PNKD: variants seen among roughly 807,000 people sequenced by gnomAD.
PNKD encodes the protein probable thioesterase PNKD.
PNKD carries 36 observed loss-of-function variants against 45.3 expected under a neutral mutation model. The observed-to-expected ratio is 0.80, with a 90% confidence interval of 0.61 to 1.05. PNKD has a LOEUF of 1.05. Ranked by LOEUF, PNKD falls within the 50% of genes least tolerant of loss-of-function variation. The pLI is 0.00. For synonymous variants in PNKD, 197 were observed against 210.1 expected (o/e 0.94, Z 0.54); for missense variants, 511 against 506.6 (o/e 1.01, Z -0.08).
rs1037468923 is a variant in PNKD, at chr2:218,341,415, T to C, written c.525-119T>C. On this transcript the variant is annotated intron_variant, in intron 5 of 9. Transcript: ENST00000273077. ...ACAAAGGCCTAGAGGTGTGGACAACTTGGCTTAGTCCAGAAGCCACAGCCC... is the reference window on the plus strand; with the variant it reads ...ACAAAGGCCTAGAGGTGTGGACAACCTGGCTTAGTCCAGAAGCCACAGCCC... 6.2e-6 allele frequency: 4 copies of C among 649,676 alleles called. No individual in the cohort carries two copies. The African/African-American group carries it at 7.3e-5, about 12-fold the overall frequency. The allele number at this position is 649,676 out of a possible 1,614,324, so 40.2% of individuals were successfully genotyped here. A position where few individuals can be genotyped will look rare whatever the true frequency, so the allele number is the denominator to read the frequency against.
chr2:218,300,650 A>G (rs1280021644), intron 2 of PNKD, among the ~76,000 whole-genome samples: 1 of 151,032 alleles, frequency 6.6e-6, no homozygotes, highest in African/African-American at 2.4e-5. Context: ...GGTTCAAGAG[A>G]TTCTCCTGCC....
chr2:218,309,416 CAAAAAAAAA>C (rs10553302), intron 2 of PNKD, among the ~76,000 whole-genome samples: 1 of 54,456 alleles, frequency 1.8e-5, no homozygotes, highest in African/African-American at 7.8e-5. Context: ...GACTCCGCCT[CAAAAAAAAA>C]AAAAAAAAAA....
At chr2:218,338,620 A>G (rs1195592362) in intron 2 of PNKD, among the ~76,000 whole-genome samples, 1 of 151,820 alleles carries the variant, frequency 6.6e-6, no homozygotes, top group Non-Finnish European at 1.5e-5. Flanking sequence ...GATAATTGGG[A>G]TTACAGGTGC....
intron 8 of PNKD, among the ~76,000 whole-genome samples, 176 bp from the exon 9 acceptor site, chr2:218,344,279 T>G (rs1019671492): frequency 6.6e-6 from 1 of 152,236 alleles, no homozygotes; most frequent in Non-Finnish European, 1.5e-5. Context: ...CACCCATGGC[T>G]GACTTGTGCC....
At chr2:218,292,180 C>T (rs1355652955) in intron 2 of PNKD, among the ~76,000 whole-genome samples, 1 of 152,214 alleles carries the variant, frequency 6.6e-6, no homozygotes, top group Non-Finnish European at 1.5e-5. Context: ...CGAGGACACC[C>T]CCAGACCCTG....
At chr2:218,302,807 G>A (rs922735214) in intron 2 of PNKD, among the ~76,000 whole-genome samples, 2 of 152,232 alleles carry the variant, frequency 1.3e-5, no homozygotes, top group South Asian at 2.1e-4. Flanking sequence ...AGTCAGGGCG[G>A]GGGGACAGGG....
At chr2:218,316,791 G>A (rs1038085612) in intron 2 of PNKD, 2 of 152,182 alleles carry the variant, frequency 1.3e-5, no homozygotes, top group African/African-American at 4.8e-5. Context: ...TCAGGGACTT[G>A]GGATGGCCTG....
chr2:218,321,043 C>T (rs1693972916), intron 2 of PNKD, among the ~76,000 whole-genome samples: 1 of 152,158 alleles, frequency 6.6e-6, no homozygotes, highest in African/African-American at 2.4e-5. Context: ...TCAAACATAT[C>T]TTGGATTTAT....
intron 2 of PNKD, among the ~76,000 whole-genome samples, chr2:218,313,856 G>A (rs1226163270): frequency 6.7e-6 from 1 of 149,166 alleles, no homozygotes; most frequent in African/African-American, 2.5e-5. Flanking sequence ...TGGCATTTTG[G>A]TTAAGTGAAA....
chr2:218,291,295 CA>C (rs1692910648), intron 2 of PNKD, among the ~76,000 whole-genome samples: 1 of 152,212 alleles, frequency 6.6e-6, no homozygotes, highest in Non-Finnish European at 1.5e-5. Flanking sequence ...TCTGGATCCT[CA>C]TGACTGGAGA....
chr2:218,331,703 G>A (rs1057411673), intron 2 of PNKD, among the ~76,000 whole-genome samples: 10 of 152,114 alleles, frequency 6.6e-5, no homozygotes, highest in African/African-American at 2.4e-4. Context: ...CCTGACCTCA[G>A]GTGATCCATC....
intron 2 of PNKD, among the ~76,000 whole-genome samples, chr2:218,287,466 T>C (rs1031057214): frequency 1.3e-5 from 2 of 152,020 alleles, no homozygotes; most frequent in Non-Finnish European, 2.9e-5. Context: ...TCCCAGCACT[T>C]TGGGAGGCCG....
chr2:218,336,723 C>T (rs1194731867), intron 2 of PNKD, among the ~76,000 whole-genome samples: 1 of 149,836 alleles, frequency 6.7e-6, no homozygotes, highest in Non-Finnish European at 1.5e-5. Flanking sequence ...TCAAGCACTT[C>T]TTCCATCACC....
In PNKD at chr2:218,270,969, G is replaced by A. The variant is rs188422435; in HGVS notation, c.67+367G>A. 46 of 320,132 alleles carry A rather than the reference G, an allele frequency of 1.4e-4. No homozygotes were observed. In the East Asian group the frequency reaches 1.6e-3, roughly 11 times the overall value. The allele number at this position is 320,132 out of a possible 1,614,324, so 19.8% of individuals were successfully genotyped here. On this transcript the variant is annotated intron_variant, in intron 1 of 9. Transcript: ENST00000273077. Reference sequence around the variant, plus strand: ...TGGGCAAAGCAGTTTTTCTCTCAGGGCTTCAGTTTCCTCTTCCGTACAGTG... The same window carrying A: ...TGGGCAAAGCAGTTTTTCTCTCAGGACTTCAGTTTCCTCTTCCGTACAGTG...
At chr2:218,283,082 C>G (rs969738565) in intron 2 of PNKD, among the ~76,000 whole-genome samples, 20 of 152,124 alleles carry the variant, frequency 1.3e-4, no homozygotes, top group African/African-American at 4.8e-4. Context: ...GCAGTGCTAG[C>G]AGGGAGGACA....
intron 2 of PNKD, among the ~76,000 whole-genome samples, chr2:218,311,471 G>A (rs1048503749): frequency 3.2e-4 from 48 of 152,174 alleles, no homozygotes; most frequent in African/African-American, 1.2e-3. Context: ...AACAGGTGGG[G>A]AGAAGGTCAG....
At chr2:218,339,317 G>T (rs1694599775) in intron 2 of PNKD, among the ~76,000 whole-genome samples, 1 of 151,312 alleles carries the variant, frequency 6.6e-6, no homozygotes, top group Admixed American at 6.6e-5. Flanking sequence ...GCAGTGCAGT[G>T]GTGCGATGCC....
At chr2:218,282,079 C>T (rs1692076463) in intron 2 of PNKD, 1 of 1,573,506 alleles carries the variant, frequency 6.4e-7, no homozygotes, top group Non-Finnish European at 8.6e-7. Context: ...CCCCAGGGGG[C>T]GGAGGGCCTG....
At chr2:218,314,000 C>A (rs185347836) in intron 2 of PNKD, among the ~76,000 whole-genome samples, 104 of 147,156 alleles carry the variant, frequency 7.1e-4, no homozygotes, top group African/African-American at 2.5e-3. Context: ...CAGCTCACCA[C>A]AACCTCCGCC....
Sources: gnomAD v4.1 joint callset for allele counts (sites outside exome capture counted in the v4.1 genomes callset) on GRCh38, gnomAD v4.1.1 for gene constraint, MANE v1.5 for transcripts, NCBI Gene and HGNC (gene_info 2026-07-23, HGNC 2026-07-21) for gene names.